Variants in CNTN6 observed in about 807,000 individuals in gnomAD.
CNTN6 encodes contactin-6.
In CNTN6, 137 loss-of-function variants were observed where a neutral mutation model predicts 122.8. The ratio of observed to expected loss-of-function variants is 1.12; its 90% CI spans 0.97 to 1.29. CNTN6 has a LOEUF of 1.29. Ranked by LOEUF, CNTN6 falls within the 50% of genes most tolerant of loss-of-function variation. CNTN6 has a pLI of 0.00. For missense variants in CNTN6, 1,634 were observed against 1,223.4 expected, an observed-to-expected ratio of 1.34 and a Z score of -5.01; for synonymous variants, 570 against 426.0, an observed-to-expected ratio of 1.34 and a Z score of -4.16.
At chr3:1,377,569 C>T (rs970136794) in intron 17 of CNTN6, among the ~76,000 whole-genome samples, 1 of 152,050 alleles carries the variant, frequency 6.6e-6, no homozygotes, top group African/African-American at 2.4e-5. Context: ...CATTTTTTTA[C>T]CTTATTAAAA....
intron 7 of CNTN6, among the ~76,000 whole-genome samples, chr3:1,301,747 G>A (rs542583482): frequency 6.6e-6 from 1 of 152,282 alleles, no homozygotes; most frequent in African/African-American, 2.4e-5. Flanking sequence ...GCGTTAAGAT[G>A]CCCTGTATAA....
intron 1 of CNTN6, among the ~76,000 whole-genome samples, chr3:1,101,305 T>C (rs1015146883): frequency 6.6e-6 from 1 of 152,194 alleles, no homozygotes; most frequent in Non-Finnish European, 1.5e-5. Context: ...ACAATCTCCT[T>C]GCCAGTCTGA....
chr3:1,213,894 T>C (rs1419384195), intron 2 of CNTN6, among the ~76,000 whole-genome samples: 3 of 152,102 alleles, frequency 2.0e-5, no homozygotes, highest in African/African-American at 4.8e-5. Context: ...AGAGTGCCTT[T>C]GTTTGTAAAT....
intron 11 of CNTN6, among the ~76,000 whole-genome samples, chr3:1,344,515 G>T (rs1379818745): frequency 6.6e-6 from 1 of 152,116 alleles, no homozygotes; most frequent in Non-Finnish European, 1.5e-5. Flanking sequence ...TGAAACACTG[G>T]GAATCAAAGA....
At chr3:1,236,903 A>AC (rs2094429702) in intron 4 of CNTN6, among the ~76,000 whole-genome samples, 1 of 152,028 alleles carries the variant, frequency 6.6e-6, no homozygotes, top group Non-Finnish European at 1.5e-5. Flanking sequence ...ACATGGTGAA[A>AC]CCCTGTCTCT....
chr3:1,374,187 G>A, intron 16 of CNTN6, 114 bp downstream of exon 16: 2 of 1,000,124 alleles, frequency 2.0e-6, no homozygotes, highest in Non-Finnish European at 1.4e-6. Flanking sequence ...TTGTTTGGCA[G>A]TAAACGAGTG....
chr3:1,400,025 G>A (rs2126257793), intron 20 of CNTN6, among the ~76,000 whole-genome samples: 2 of 152,188 alleles, frequency 1.3e-5, no homozygotes, highest in Middle Eastern at 6.8e-3. Flanking sequence ...ATATATTTGA[G>A]ACACCTGGAT....
In CNTN6 at chr3:1,372,392, T is replaced by A; in HGVS notation, c.1586T>A (p.Ile529Asn). Residue 529 changes from isoleucine (I) to asparagine (N), a missense_variant, in exon 13 of 23, where the codon ATT (isoleucine) becomes AAT (asparagine). Coordinates refer to ENST00000446702, the MANE Select transcript of CNTN6 (RefSeq NM_001289080.2). ...TGCCAGGTGTCCCATGACCCCTCCA[T>A]TGAAGTGGTATTTGTATGGTTTTTC... ...LPCQVSHDPS[I>N]EVVFVWFFNG... 6.2e-7 allele frequency: 1 copy of A among 1,612,836 alleles called. No homozygotes were observed. The highest frequency in any genetic ancestry group is 8.5e-7 in the Non-Finnish European group (1 of 1,179,056).
At chr3:1,316,902 T>G (rs1354747504) in intron 7 of CNTN6, among the ~76,000 whole-genome samples, 1 of 151,936 alleles carries the variant, frequency 6.6e-6, no homozygotes, top group Non-Finnish European at 1.5e-5. Context: ...AGCAGTTTAT[T>G]TAGTGTCTTC....
chr3:1,314,135 G>A (rs1007797491), intron 7 of CNTN6, among the ~76,000 whole-genome samples: 22 of 151,982 alleles, frequency 1.4e-4, no homozygotes, highest in African/African-American at 2.9e-4. Context: ...CTCTTTTTCC[G>A]TAACAGTGAG....
intron 2 of CNTN6, among the ~76,000 whole-genome samples, chr3:1,175,282 T>G (rs2093428435): frequency 6.7e-6 from 1 of 149,488 alleles, no homozygotes; most frequent in Non-Finnish European, 1.5e-5. Context: ...AAAATTCCAC[T>G]TGATCTAAGG....
intron 17 of CNTN6, among the ~76,000 whole-genome samples, chr3:1,378,401 G>A (rs1425241908): frequency 1.3e-5 from 2 of 152,156 alleles, no homozygotes; most frequent in East Asian, 3.9e-4. Flanking sequence ...CTGGGAACCA[G>A]AGACGTTATT....
At chr3:1,203,585 G>A (rs1329160495) in intron 2 of CNTN6, among the ~76,000 whole-genome samples, 1 of 152,188 alleles carries the variant, frequency 6.6e-6, no homozygotes, top group Non-Finnish European at 1.5e-5. Flanking sequence ...CTTGGGAGAC[G>A]TTTAGCCCAA....
intron 1 of CNTN6, among the ~76,000 whole-genome samples, chr3:1,146,465 C>A (rs190733285): frequency 6.6e-6 from 1 of 152,082 alleles, no homozygotes; most frequent in African/African-American, 2.4e-5. Context: ...ACACTCTTTG[C>A]CTGGCAAAGA....
At chr3:1,131,143 G>A (rs944745053) in intron 1 of CNTN6, among the ~76,000 whole-genome samples, 1 of 152,136 alleles carries the variant, frequency 6.6e-6, no homozygotes, top group African/African-American at 2.4e-5. Flanking sequence ...CTTAGCAGGA[G>A]TTGATGTCCT....
At position 1,182,624 on chromosome 3, in the gene CNTN6, C is replaced by T. The variant is rs1322368254; in HGVS notation, c.55+34561C>T. Among the ~76,000 whole-genome samples the T allele has an allele frequency of 5.3e-5, 8 of 151,160 alleles. No homozygotes were observed. The South Asian group carries it at 8.4e-4, about 16-fold the overall frequency. ...TTAGTTTTTTTTTTTTAATTTTTAG[C>T]TTCAGAAATGTAACTCATATACAAA... On this transcript the variant is annotated intron_variant, in intron 2 of 22. Coordinates refer to ENST00000446702, the MANE Select transcript of CNTN6 (RefSeq NM_001289080.2).
intron 5 of CNTN6, among the ~76,000 whole-genome samples, chr3:1,290,050 T>A (rs1396526158): frequency 2.0e-5 from 3 of 152,208 alleles, no homozygotes; most frequent in African/African-American, 7.2e-5. Flanking sequence ...AGGAGCTTGT[T>A]AGCAATGCAG....
intron 20 of CNTN6, among the ~76,000 whole-genome samples, chr3:1,388,217 G>GAACT (rs1288327186): frequency 1.3e-5 from 2 of 149,892 alleles, no homozygotes; most frequent in African/African-American, 4.9e-5. Context: ...GGAGATCTGA[G>GAACT]AACTGGCACA....
chr3:1,264,170 T>C (rs2094890878), intron 4 of CNTN6, among the ~76,000 whole-genome samples: 1 of 152,180 alleles, frequency 6.6e-6, no homozygotes, highest in Non-Finnish European at 1.5e-5. Context: ...CTGGGTTGAC[T>C]GATCATTAAT....
Sources: allele counts gnomAD v4.1 joint callset (sites outside exome capture counted in the v4.1 genomes callset), GRCh38; gene constraint gnomAD v4.1.1; transcripts MANE v1.5; gene names NCBI Gene and HGNC (gene_info 2026-07-23, HGNC 2026-07-21).